Variants in MACROD2 observed in about 807,000 individuals in gnomAD.
MACROD2 encodes the protein ADP-ribose glycohydrolase MACROD2.
In MACROD2, 36 loss-of-function variants were observed where a neutral mutation model predicts 70.4. The ratio of observed to expected loss-of-function variants is 0.51; its 90% CI spans 0.39 to 0.68. MACROD2 has a LOEUF of 0.68. MACROD2 is among the 30% of genes least tolerant of loss of function. MACROD2 has a pLI of 0.00. For missense variants in MACROD2, 496 were observed against 538.4 expected, an observed-to-expected ratio of 0.92 and a Z score of 0.78; for synonymous variants, 172 against 178.8, an observed-to-expected ratio of 0.96 and a Z score of 0.30.
rs551337008 is a variant in MACROD2 at position 14,951,571 on chromosome 20, A to G, written c.418+266612A>G. Reference sequence around the variant, plus strand: ...GTACCACATATTTGTTATCCCTATTAAGCTTTGGAGGCACTGCTGTAGGAC... The same window carrying G: ...GTACCACATATTTGTTATCCCTATTGAGCTTTGGAGGCACTGCTGTAGGAC... On this transcript the variant is annotated intron_variant, in intron 5 of 17. Transcript: ENST00000684519. 7.2e-5 allele frequency among the ~76,000 whole-genome samples: 11 copies of G among 152,218 alleles called. No individual in the cohort carries two copies. In the South Asian group the frequency reaches 2.3e-3, roughly 32 times the overall value.
rs199668230 is a variant in MACROD2, at chr20:14,429,322, AT to A, written c.272-64154del. ...CTTTAAATGTCCACAGTGCTTGATA[AT>A]TTCTTCCTTGTTCATGGTCCTGTTA... On this transcript the variant is annotated intron_variant, in intron 3 of 17. Coordinates refer to ENST00000684519, the MANE Select transcript of MACROD2 (RefSeq NM_001351661.2). Among the ~76,000 whole-genome samples the A allele has an allele frequency of 2.6e-5, 4 of 152,158 alleles. No homozygotes were observed. In the East Asian group the frequency reaches 7.7e-4, roughly 29 times the overall value.
chr20:14,546,486 T>A (rs552031063), intron 4 of MACROD2, among the ~76,000 whole-genome samples: 1 of 152,328 alleles, frequency 6.6e-6, no homozygotes. Context: ...AGGGCCAATA[T>A]CCATCATATA....
At chr20:14,541,630 G>A (rs1255170317) in intron 4 of MACROD2, among the ~76,000 whole-genome samples, 1 of 148,752 alleles carries the variant, frequency 6.7e-6, no homozygotes, top group Non-Finnish European at 1.5e-5. Flanking sequence ...TATAATGAAT[G>A]CATGGATATG....
At position 14,326,807 on chromosome 20, in the gene MACROD2, G is replaced by A. The variant is rs2082743465; in HGVS notation, c.272-166672G>A. On this transcript the variant is annotated intron_variant, in intron 3 of 17. Transcript: ENST00000684519. This position sits in a 1 kb window ranked among gnomAD's most constrained non-coding sequence, Gnocchi z 5.5. ...ACTGGTGCAGCAGTCAGGGAATTCC[G>A]CACCAGGGACAGCTCTGTCAAATTA... 1 of 1,613,742 alleles carries A rather than the reference G, an allele frequency of 6.2e-7. No homozygotes were observed. The highest frequency in any genetic ancestry group is 8.5e-7 in the Non-Finnish European group (1 of 1,179,804).
chr20:14,328,315 C>T (rs2082771751), intron 3 of MACROD2, among the ~76,000 whole-genome samples: 1 of 152,084 alleles, frequency 6.6e-6, no homozygotes, highest in African/African-American at 2.4e-5. Flanking sequence ...TGTCTTTCTT[C>T]TGTTCACATT....
chr20:14,327,680 G>T, intron 3 of MACROD2: 1 of 718,540 alleles, frequency 1.4e-6, no homozygotes, highest in Non-Finnish European at 2.1e-6. Context: ...CATTTGTTTT[G>T]GGAGGGGGCA....
At chr20:14,708,766 C>T (rs771408281) in intron 5 of MACROD2, among the ~76,000 whole-genome samples, 9 of 152,070 alleles carry the variant, frequency 5.9e-5, no homozygotes, top group East Asian at 1.9e-4. Context: ...TACAGGTGCC[C>T]GCCACCATGC....
At chr20:15,830,638 G>A (rs1190243159) in intron 8 of MACROD2, among the ~76,000 whole-genome samples, 10 of 152,222 alleles carry the variant, frequency 6.6e-5, no homozygotes, top group Admixed American at 5.9e-4. Context: ...TCTTTTGTGT[G>A]TGAGCTTGTA....
At chr20:14,009,332 C>T (rs1343463196) in intron 2 of MACROD2, among the ~76,000 whole-genome samples, 1 of 152,196 alleles carries the variant, frequency 6.6e-6, no homozygotes, top group Non-Finnish European at 1.5e-5. Context: ...AGAAGACATA[C>T]ATGTGGCCAA....
chr20:15,643,779 G>A (rs940508441), intron 8 of MACROD2, among the ~76,000 whole-genome samples: 1 of 152,150 alleles, frequency 6.6e-6, no homozygotes, highest in Non-Finnish European at 1.5e-5. Flanking sequence ...ACTTAGGTTT[G>A]GCTGCATGTG....
intron 3 of MACROD2, among the ~76,000 whole-genome samples, chr20:14,399,723 T>A (rs964585732): frequency 1.3e-5 from 2 of 152,154 alleles, no homozygotes. Context: ...TGTTTAAAAT[T>A]GTCTTACAGC....
chr20:15,312,310 C>T (rs541003099), intron 6 of MACROD2, among the ~76,000 whole-genome samples: 1 of 152,280 alleles, frequency 6.6e-6, no homozygotes, highest in African/African-American at 2.4e-5. Context: ...TGTGATGGTG[C>T]TATTTGGCTT....
intron 5 of MACROD2, among the ~76,000 whole-genome samples, chr20:15,053,801 G>T (rs1490157951): frequency 1.3e-5 from 2 of 152,112 alleles, no homozygotes; most frequent in Non-Finnish European, 2.9e-5. Context: ...ACAAATCTGG[G>T]CAAAGAACAT....
chr20:15,987,292 A>G lies in MACROD2; in HGVS notation c.1153+134A>G, dbSNP rs963397516. ...GAAAACGAACATTTCCTTAACCCCA[A>G]ATCTCCGTTTGAAAGTAGAGTAAAA... is the stretch of plus-strand genomic sequence containing the variant. On this transcript the variant is annotated intron_variant, in intron 15 of 17. Coordinates refer to ENST00000684519, the MANE Select transcript of MACROD2 (RefSeq NM_001351661.2). The G allele has an allele frequency of 5.7e-6, 4 of 701,026 alleles. No individual in the cohort carries two copies. The African/African-American group carries it at 7.5e-5, about 13-fold the overall frequency. The allele number at this position is 701,026 out of a possible 1,614,324, so 43.4% of individuals were successfully genotyped here. A position where few individuals can be genotyped will look rare whatever the true frequency, so the allele number is the denominator to read the frequency against.
chr20:14,011,242 G>A (rs1405468835), intron 2 of MACROD2, among the ~76,000 whole-genome samples: 1 of 152,160 alleles, frequency 6.6e-6, no homozygotes, highest in Admixed American at 6.5e-5. Context: ...CCTGATAGGA[G>A]CACAGCGTCT....
intron 12 of MACROD2, among the ~76,000 whole-genome samples, chr20:15,954,235 C>T (rs980031964): frequency 6.6e-6 from 1 of 152,232 alleles, no homozygotes; most frequent in Admixed American, 6.5e-5. Flanking sequence ...AGGTTTCCCT[C>T]CAAGTAAAAT....
At chr20:14,465,853 A>T (rs922029945) in intron 3 of MACROD2, among the ~76,000 whole-genome samples, 1 of 152,138 alleles carries the variant, frequency 6.6e-6, no homozygotes, top group Non-Finnish European at 1.5e-5. Flanking sequence ...AGAATGTTGA[A>T]TAGTGGCCCC....
chr20:15,365,488 A>C (rs536187325), intron 6 of MACROD2, among the ~76,000 whole-genome samples: 1 of 151,988 alleles, frequency 6.6e-6, no homozygotes, highest in Non-Finnish European at 1.5e-5. Context: ...ACAGGATGAA[A>C]CCCTGTACTA....
chr20:15,460,453 T>A (rs2046791977), intron 7 of MACROD2, among the ~76,000 whole-genome samples: 1 of 152,110 alleles, frequency 6.6e-6, no homozygotes, highest in Non-Finnish European at 1.5e-5. Context: ...CCCAGCTCCT[T>A]GGGGACCTCT....
Sources: allele counts gnomAD v4.1 joint callset (sites outside exome capture counted in the v4.1 genomes callset), GRCh38; gene constraint gnomAD v4.1.1; non-coding constraint Gnocchi (gnomAD v3.1); transcripts MANE v1.5; gene names NCBI Gene and HGNC (gene_info 2026-07-23, HGNC 2026-07-21).